REM1: variants seen among roughly 807,000 people sequenced by gnomAD.
The protein encoded by REM1 is RRAD and GEM like GTPase 1.
REM1 carries 20 observed loss-of-function variants against 27.0 expected under a neutral mutation model. The ratio of observed to expected loss-of-function variants is 0.74; its 90% CI spans 0.52 to 1.08. The LOEUF (loss-of-function observed/expected upper bound fraction) is 1.08, where lower values mean the gene tolerates loss of function less well. REM1 is among the 50% of genes least tolerant of loss of function. The probability of loss-of-function intolerance (pLI) is 0.00; values close to 1 mark genes in which losing one functional copy is unlikely to be tolerated. For synonymous variants in REM1, 159 were observed against 167.9 expected (o/e 0.95, Z 0.41); for missense variants, 405 against 407.0 (o/e 1.00, Z 0.04).
At position 31,484,494 on chromosome 20, in the gene REM1, C is replaced by T; in HGVS notation, c.*64C>T. 1 of 1,427,414 alleles carries T rather than the reference C, an allele frequency of 7.0e-7. No individual in the cohort carries two copies. The highest frequency in any genetic ancestry group is 1.5e-5 in the South Asian group (1 of 65,370). The allele number at this position is 1,427,414 out of a possible 1,614,324, so 88.4% of individuals were successfully genotyped here. A position where few individuals can be genotyped will look rare whatever the true frequency, so the allele number is the denominator to read the frequency against. Reference sequence around the variant, plus strand: ...TGCATTCTGGGCTCCAGGGACGCCACTGCGGGGCAAAGGCGCCGTTACCTG... The same window carrying T: ...TGCATTCTGGGCTCCAGGGACGCCATTGCGGGGCAAAGGCGCCGTTACCTG... On this transcript the variant is annotated 3_prime_UTR_variant, in exon 5 of 5. Transcript: ENST00000201979.
Position 31,477,850 on chromosome 20 carries a change from C to G in REM1, c.363C>G (p.Leu121=). The change falls in exon 3 of 5, where the codon CTC becomes CTG. Residue 121 remains leucine (L), a synonymous_variant. Transcript: ENST00000201979. ...CAGAAGATGTATATGAGAGGACCCT[C>G]ACGGTGGATGGAGAAGACACCACAC... is the stretch of plus-strand genomic sequence containing the variant. ...QLGEDVYERT[L]TVDGEDTTLV... 6.2e-7 allele frequency: 1 copy of G among 1,613,124 alleles called. No homozygotes were observed. Among genetic ancestry groups the G allele is most frequent in the Non-Finnish European group, 8.5e-7 (1 of 1,179,770 alleles).
In REM1 at chr20:31,484,117, C is replaced by G. The variant is rs779007619; in HGVS notation, c.626-42C>G. The G allele has an allele frequency of 7.2e-6, 11 of 1,519,638 alleles. No individual in the cohort carries two copies. The East Asian group carries it at 2.6e-4, about 36-fold the overall frequency. 94.1% of individuals were successfully genotyped at this position (1,519,638 alleles called of 1,614,324 possible). The stretch of plus-strand genomic sequence containing the variant: ...TCTTCCTACCTTTTTCTCCGCCTTC[C>G]GTTATGGCTCCACCCCTCCTCGCCG... On this transcript the variant is annotated intron_variant, in intron 4 of 4. Coordinates refer to ENST00000201979, the MANE Select transcript of REM1 (RefSeq NM_014012.6).
chr20:31,483,930 C>T lies in REM1; in HGVS notation c.626-229C>T, dbSNP rs1980819318. ...AGCTCCTCCAGGTAATTCCGATCCA[C>T]AGCAAATTAGACCCTTTACCTGGCA... On this transcript the variant is annotated intron_variant, in intron 4 of 4. Coordinates refer to ENST00000201979, the MANE Select transcript of REM1 (RefSeq NM_014012.6). Among the ~76,000 whole-genome samples the T allele has an allele frequency of 2.0e-5, 3 of 152,302 alleles. No homozygotes were observed. In the South Asian group the frequency reaches 6.2e-4, roughly 32 times the overall value.
At chr20:31,483,468 T>C (rs1980800097) in intron 4 of REM1, among the ~76,000 whole-genome samples, 1 of 152,170 alleles carries the variant, frequency 6.6e-6, no homozygotes, top group Non-Finnish European at 1.5e-5. Flanking sequence ...GAAATTCAAA[T>C]TTCTCAAAGC....
chr20:31,477,970 C>A (rs1467110793), intron 3 of REM1, 60 bp downstream of exon 3: 2 of 1,030,118 alleles, frequency 1.9e-6, no homozygotes, highest in Non-Finnish European at 3.0e-6. Flanking sequence ...TAGACTCCTT[C>A]CTGTCCCCTC....
At position 31,476,539 on chromosome 20, in the gene REM1, CG is replaced by C; in HGVS notation, c.95del (p.Arg32ProfsTer2). 6.2e-7 allele frequency: 1 copy of C among 1,614,164 alleles called. No individual in the cohort carries two copies. The highest frequency in any genetic ancestry group is 8.5e-7 in the Non-Finnish European group (1 of 1,179,998). ...PLSPRGHQPG[R>X]LSTVPSTQSQ... ...GTCCCCACGGGGCCACCAGCCTGGC[CG>C]CCTGAGCACAGTGCCTTCCACTCAA... is the stretch of plus-strand genomic sequence containing the variant. On this transcript the variant is annotated frameshift_variant, in exon 2 of 5. Coordinates refer to ENST00000201979, the MANE Select transcript of REM1 (RefSeq NM_014012.6). LOFTEE classifies it high-confidence loss of function.
intron 2 of REM1, 44 bp from the exon 3 acceptor site, chr20:31,477,784 G>T (rs1483899144): frequency 3.3e-6 from 5 of 1,496,774 alleles, no homozygotes; most frequent in Non-Finnish European, 3.7e-6. Context: ...ACTCTCTCAG[G>T]CTTGCCCGTC....
intron 2 of REM1, among the ~76,000 whole-genome samples, chr20:31,477,077 T>C (rs1405972742): frequency 6.6e-6 from 1 of 152,176 alleles, no homozygotes; most frequent in East Asian, 1.9e-4. Flanking sequence ...GTGGCAATTC[T>C]GAATTCCATG....
At position 31,480,236 on chromosome 20, in the gene REM1, TACATACATACAC is replaced by T. The variant is rs1217465179; in HGVS notation, c.424-2039_424-2028del. Among the ~76,000 whole-genome samples, 685 of 73,510 alleles carry T rather than the reference TACATACATACAC, an allele frequency of 9.3e-3. 2 individuals are homozygous for T. Among genetic ancestry groups the T allele is most frequent in the African/African-American group, 0.066 (626 of 9,450 alleles). 48.2% of individuals were successfully genotyped at this position (73,510 alleles called of 152,430 possible). ...ATAGATAGATAGATAGATAGACAGA[TACATACATACAC>T]ACATACATACATACATACATACATA... is the stretch of plus-strand genomic sequence containing the variant. On this transcript the variant is annotated intron_variant, in intron 3 of 4. Transcript: ENST00000201979.
At chr20:31,481,059 G>A (rs950864423) in intron 3 of REM1, among the ~76,000 whole-genome samples, 3 of 152,116 alleles carry the variant, frequency 2.0e-5, no homozygotes, top group African/African-American at 7.2e-5. Context: ...GATCACCTGA[G>A]GTCAGGGTTT....
chr20:31,482,297 G>T lies in REM1; in HGVS notation c.434G>T (p.Trp145Leu). 1 of 1,614,088 alleles carries T rather than the reference G, an allele frequency of 6.2e-7. No individual in the cohort carries two copies. ...TWEAEKLDKS[W>L]SQESCLQGGS... ...GTCCCTCTCCTGCAGGATAAAAGCT[G>T]GAGCCAGGAGTCATGCCTGCAGGGG... Residue 145 changes from tryptophan (W) to leucine (L), a missense_variant, in exon 4 of 5, where the codon TGG (tryptophan) becomes TTG (leucine). Trp to Leu is a moderately conservative substitution (Grantham distance 61). Coordinates refer to ENST00000201979, the MANE Select transcript of REM1 (RefSeq NM_014012.6).
Position 31,480,234 on chromosome 20 carries a change from GATACATACATACACACATAC to G in REM1, c.424-2039_424-2020del, listed in dbSNP as rs780889237. 1.7e-4 allele frequency among the ~76,000 whole-genome samples: 23 copies of G among 138,294 alleles called. 1 individual carries two copies. The highest frequency in any genetic ancestry group is 5.1e-4 in the South Asian group (2 of 3,900). 90.7% of individuals were successfully genotyped at this position (138,294 alleles called of 152,430 possible). On this transcript the variant is annotated intron_variant, in intron 3 of 4. Coordinates refer to ENST00000201979, the MANE Select transcript of REM1 (RefSeq NM_014012.6). ...AGATAGATAGATAGATAGATAGACA[GATACATACATACACACATAC>G]ATACATACATACATACATACATACA...
intron 3 of REM1, among the ~76,000 whole-genome samples, chr20:31,478,517 A>G (rs1392057670): frequency 6.6e-6 from 1 of 152,246 alleles, no homozygotes; most frequent in East Asian, 1.9e-4. Context: ...GGAAGACAGC[A>G]GTAGGCAGGA....
rs1332525186 is a variant in REM1 at position 31,482,414 on chromosome 20, A to G, written c.551A>G (p.Gln184Arg). 3 of 1,614,146 alleles carry G rather than the reference A, an allele frequency of 1.9e-6. No individual in the cohort carries two copies. Among genetic ancestry groups the G allele is most frequent in the Non-Finnish European group, 2.5e-6 (3 of 1,180,012 alleles). ...ELRIQLRRTHQADHVPIILVG... is the reference protein window; with the variant it reads ...ELRIQLRRTHRADHVPIILVG... ...CGCATCCAGCTGCGGCGCACACATC[A>G]GGCAGACCATGTGCCCATCATCCTC... The change falls in exon 4 of 5, where the codon CAG becomes CGG. Residue 184 changes from glutamine (Q) to arginine (R), a missense_variant. By Grantham distance (43) the Gln-to-Arg change is conservative (BLOSUM62 1). Transcript: ENST00000201979.
chr20:31,476,859 C>A, intron 2 of REM1, 74 bp downstream of exon 2: 2 of 1,272,520 alleles, frequency 1.6e-6, no homozygotes, highest in Non-Finnish European at 2.2e-6. Flanking sequence ...ACAGGGCTGC[C>A]AAGAACAGTT....
chr20:31,482,502 C>G lies in REM1; in HGVS notation c.625+14C>G, dbSNP rs756406118. On this transcript the variant is annotated intron_variant, in intron 4 of 4. Coordinates refer to ENST00000201979, the MANE Select transcript of REM1 (RefSeq NM_014012.6). ...TCTCTGTGGAAGGTGAGCCCTCCAT[C>G]CCACCACCTCCTCTTCACCTGGGCC... 6.2e-7 allele frequency: 1 copy of G among 1,611,096 alleles called. No homozygotes were observed. The highest frequency in any genetic ancestry group is 1.3e-5 in the African/African-American group (1 of 74,860).
At position 31,477,854 on chromosome 20, in the gene REM1, G is replaced by C. The variant is rs774330633; in HGVS notation, c.367G>C (p.Val123Leu). Residue 123 changes from valine to leucine, a missense_variant, in exon 3 of 5, where the codon GTG becomes CTG. Coordinates refer to ENST00000201979, the MANE Select transcript of REM1 (RefSeq NM_014012.6). ...GEDVYERTLT[V>L]DGEDTTLVVV... is the part of the protein sequence containing the mutation. ...AGATGTATATGAGAGGACCCTCACG[G>C]TGGATGGAGAAGACACCACACTGGT... The C allele has an allele frequency of 1.9e-6, 3 of 1,613,246 alleles. No homozygotes were observed. The South Asian group carries it at 3.3e-5, about 18-fold the overall frequency.
At position 31,482,310 on chromosome 20, in the gene REM1, A is replaced by T. The variant is rs2122480375; in HGVS notation, c.447A>T (p.Ser149=). 1 of 1,614,140 alleles carries T rather than the reference A, an allele frequency of 6.2e-7. No homozygotes were observed. Among genetic ancestry groups the T allele is most frequent in the Non-Finnish European group, 8.5e-7 (1 of 1,180,026 alleles). Residue 149 remains serine (S), a synonymous_variant, in exon 4 of 5, where the codon TCA becomes TCT. Coordinates refer to ENST00000201979, the MANE Select transcript of REM1 (RefSeq NM_014012.6). ...AGGATAAAAGCTGGAGCCAGGAGTC[A>T]TGCCTGCAGGGGGGCAGTGCCTATG... ...EKLDKSWSQE[S]CLQGGSAYVI... is the part of the protein sequence containing the mutation.
intron 2 of REM1, among the ~76,000 whole-genome samples, chr20:31,477,296 G>A (rs554570428): frequency 2.0e-5 from 3 of 152,124 alleles, no homozygotes; most frequent in South Asian, 2.1e-4. Flanking sequence ...TGAGAGTGTC[G>A]GGGGCCCCAG....
Sources: gnomAD v4.1 joint callset for allele counts (sites outside exome capture counted in the v4.1 genomes callset) on GRCh38, gnomAD v4.1.1 for gene constraint, MANE v1.5 for transcripts, NCBI Gene and HGNC (gene_info 2026-07-23, HGNC 2026-07-21) for gene names.